The following STXBP5L variants were observed in gnomAD, a reference collection of about 807,000 sequenced individuals.
STXBP5L encodes syntaxin-binding protein 5-like.
Under a neutral mutation model 144.5 loss-of-function variants are expected in STXBP5L, and 65 were observed. That is an observed-to-expected ratio of 0.45 (90% CI 0.37 to 0.55). The LOEUF is 0.55. STXBP5L is among the 20% of genes least tolerant of loss of function. The pLI is 0.00. For synonymous variants in STXBP5L, 505 were observed against 469.6 expected, an observed-to-expected ratio of 1.08 and a Z score of -0.97; for missense variants, 1,298 against 1,405.5, an observed-to-expected ratio of 0.92 and a Z score of 1.22.
intron 19 of STXBP5L, among the ~76,000 whole-genome samples, chr3:121,281,314 A>C (rs527362197): frequency 6.6e-6 from 1 of 152,000 alleles, no homozygotes; most frequent in African/African-American, 2.4e-5. Context: ...GGAGAGCTAG[A>C]AATTTCAGTT....
chr3:121,034,324 T>G (rs1946599944), intron 3 of STXBP5L, among the ~76,000 whole-genome samples: 1 of 152,114 alleles, frequency 6.6e-6, no homozygotes. Context: ...TGTCTATTAT[T>G]TCACACTTTA....
chr3:120,962,806 GT>G (rs1330958244), intron 3 of STXBP5L, among the ~76,000 whole-genome samples: 1 of 152,134 alleles, frequency 6.6e-6, no homozygotes, highest in Non-Finnish European at 1.5e-5. Context: ...TTCCAATTCT[GT>G]GAAGAAAGTC....
chr3:121,401,025 T>G (rs1229266199), intron 22 of STXBP5L, among the ~76,000 whole-genome samples: 1 of 152,180 alleles, frequency 6.6e-6, no homozygotes, highest in African/African-American at 2.4e-5. Context: ...TCTCCCAATT[T>G]TTTTTTTATA....
chr3:121,238,873 T>C lies in STXBP5L; in HGVS notation c.1185-98T>C, dbSNP rs1334175454. The C allele has an allele frequency of 8.4e-6, 10 of 1,192,264 alleles. No individual in the cohort carries two copies. The East Asian group carries it at 1.5e-4, about 18-fold the overall frequency. The allele number at this position is 1,192,264 out of a possible 1,614,324, so 73.9% of individuals were successfully genotyped here. A position where few individuals can be genotyped will look rare whatever the true frequency, so the allele number is the denominator to read the frequency against. ...GTACTTAAAAAACAAGCAAAATTTA[T>C]AGTGATGTTTAGAGACATTTTAGGG... is the stretch of plus-strand genomic sequence containing the variant. On this transcript the variant is annotated intron_variant, in intron 12 of 26. Coordinates refer to ENST00000471454, the MANE Select transcript of STXBP5L (RefSeq NM_001308330.2).
chr3:121,254,888 C>T lies in STXBP5L; in HGVS notation c.1442-7C>T, dbSNP rs368424234. On this transcript the variant is annotated splice_polypyrimidine_tract_variant and splice_region_variant and intron_variant, in intron 15 of 26. Coordinates refer to ENST00000471454, the MANE Select transcript of STXBP5L (RefSeq NM_001308330.2). The stretch of plus-strand genomic sequence containing the variant: ...TTAGAAGATAACTGTGCTTCGATGT[C>T]TTATAGTAACTCTGCAGATGCTGTA... 64 of 1,599,626 alleles carry T rather than the reference C, an allele frequency of 4.0e-5. No homozygotes were observed. The East Asian group carries it at 7.8e-4, about 20-fold the overall frequency.
intron 3 of STXBP5L, among the ~76,000 whole-genome samples, chr3:121,039,385 T>C (rs1012332399): frequency 1.3e-5 from 2 of 151,860 alleles, no homozygotes. Context: ...TCCCCTCCTA[T>C]TGGCCTTTGT....
intron 3 of STXBP5L, among the ~76,000 whole-genome samples, chr3:120,980,006 C>G (rs1391162494): frequency 6.6e-6 from 1 of 152,102 alleles, no homozygotes; most frequent in Non-Finnish European, 1.5e-5. Context: ...GCAGGTTGTT[C>G]AATTTCCACA....
intron 13 of STXBP5L, among the ~76,000 whole-genome samples, chr3:121,239,431 A>G (rs1241168034): frequency 6.6e-6 from 1 of 150,894 alleles, no homozygotes; most frequent in African/African-American, 2.4e-5. Flanking sequence ...ATAAGATGTA[A>G]CCTTTATTTT....
chr3:121,354,060 T>C (rs2045408141), intron 20 of STXBP5L, among the ~76,000 whole-genome samples: 1 of 152,206 alleles, frequency 6.6e-6, no homozygotes, highest in African/African-American at 2.4e-5. Flanking sequence ...TTTGTTGTGA[T>C]TTCTGTTCTT....
intron 5 of STXBP5L, among the ~76,000 whole-genome samples, chr3:121,056,058 G>T (rs1948439780): frequency 1.3e-5 from 2 of 151,964 alleles, no homozygotes. Context: ...TCCTGCCTTG[G>T]CCTTACAAAG....
At chr3:121,139,569 A>G (rs2045408364) in intron 7 of STXBP5L, among the ~76,000 whole-genome samples, 1 of 152,084 alleles carries the variant, frequency 6.6e-6, no homozygotes, top group African/African-American at 2.4e-5. Flanking sequence ...ATAAGAACAG[A>G]TATAATAAAT....
intron 18 of STXBP5L, among the ~76,000 whole-genome samples, chr3:121,271,887 G>A (rs1411830002): frequency 1.3e-5 from 2 of 152,170 alleles, no homozygotes; most frequent in Non-Finnish European, 2.9e-5. Context: ...CAATCATGGT[G>A]GAAGGTGAAG....
chr3:121,365,146 A>G (rs1438195597), intron 20 of STXBP5L, among the ~76,000 whole-genome samples: 5 of 151,936 alleles, frequency 3.3e-5, no homozygotes, highest in African/African-American at 4.8e-5. Context: ...TTAATATGCT[A>G]CTGAATTCTA....
chr3:121,070,680 G>C (rs563819820), intron 5 of STXBP5L, among the ~76,000 whole-genome samples: 27 of 152,108 alleles, frequency 1.8e-4, no homozygotes, highest in African/African-American at 6.0e-4. Context: ...CATACCCCAC[G>C]ACCCGAATAA....
chr3:121,380,006 T>C (rs758177467), intron 21 of STXBP5L, among the ~76,000 whole-genome samples: 81 of 151,984 alleles, frequency 5.3e-4, no homozygotes, highest in Non-Finnish European at 1.8e-4. Context: ...AGCTTATTTT[T>C]CAGTTTTTGT....
chr3:121,007,198 A>G (rs146499820), intron 3 of STXBP5L, among the ~76,000 whole-genome samples: 163 of 152,188 alleles, frequency 1.1e-3, no homozygotes, highest in Non-Finnish European at 1.8e-3. Context: ...ATTAATTTTG[A>G]ATAGATATTG....
At chr3:120,958,040 A>C (rs1938252642) in intron 3 of STXBP5L, among the ~76,000 whole-genome samples, 1 of 152,182 alleles carries the variant, frequency 6.6e-6, no homozygotes, top group Non-Finnish European at 1.5e-5. Flanking sequence ...AAGGGAGAAG[A>C]GTCAAATAGA....
At chr3:120,990,035 A>G (rs968338242) in intron 3 of STXBP5L, among the ~76,000 whole-genome samples, 1 of 152,154 alleles carries the variant, frequency 6.6e-6, no homozygotes, top group African/African-American at 2.4e-5. Context: ...TTTGCAGACG[A>G]CATGATTGTA....
In STXBP5L at chr3:121,238,989, T is replaced by A; in HGVS notation, c.1203T>A (p.Asn401Lys). The A allele has an allele frequency of 3.1e-6, 5 of 1,600,632 alleles. No homozygotes were observed. The highest frequency in any genetic ancestry group is 4.3e-6 in the Non-Finnish European group (5 of 1,174,336). Residue 401 changes from asparagine to lysine, a missense_variant, in exon 13 of 27, where the codon AAT becomes AAA. Transcript: ENST00000471454. ...CTATTAGTTTTCCAATCTTTGAAAA[T>A]CCATATCCCATGGACATTCATGAAT... ...LTQSNFPIFE[N>K]PYPMDIHESP...
Sources: allele counts gnomAD v4.1 joint callset (sites outside exome capture counted in the v4.1 genomes callset), GRCh38; gene constraint gnomAD v4.1.1; transcripts MANE v1.5; gene names NCBI Gene and HGNC (gene_info 2026-07-23, HGNC 2026-07-21).